The following TNR variants were observed in gnomAD, a reference collection of about 807,000 sequenced individuals.
The protein encoded by TNR is tenascin-R.
A neutral mutation model predicts 150.4 loss-of-function variants in TNR; 45 were observed. That is an observed-to-expected ratio of 0.30 (90% CI 0.24 to 0.38). TNR has a LOEUF of 0.38. Among genes scored for constraint, TNR ranks in the 10% least tolerant of loss-of-function variants. The probability of loss-of-function intolerance (pLI) is 1.00; values close to 1 mark genes in which losing one functional copy is unlikely to be tolerated. For synonymous variants in TNR, 687 were observed against 678.4 expected (o/e 1.01, Z -0.20); for missense variants, 1,544 against 1,759.1 (o/e 0.88, Z 2.19).
intron 1 of TNR, among the ~76,000 whole-genome samples, chr1:175,741,098 G>C (rs1667914134): frequency 1.3e-5 from 2 of 152,228 alleles, no homozygotes; most frequent in Admixed American, 1.3e-4. Context: ...CTTCACCAGA[G>C]AGAGGCCATT....
At position 175,362,393 on chromosome 1, in the gene TNR, T is replaced by C. The variant is rs151183885; in HGVS notation, c.2854+270A>G. Among the ~76,000 whole-genome samples the C allele has an allele frequency of 2.6e-5, 4 of 152,350 alleles. No individual in the cohort carries two copies. The East Asian group carries it at 5.8e-4, about 22-fold the overall frequency. On this transcript the variant is annotated intron_variant, in intron 14 of 22. Transcript: ENST00000367674. The stretch of plus-strand genomic sequence containing the variant: ...TCTGTTTTAGAATTCACTTCCATTA[T>C]ATGTCTGAAAGGGCACTGTTTATGT...
intron 1 of TNR, among the ~76,000 whole-genome samples, chr1:175,688,021 G>T (rs1666253812): frequency 6.6e-6 from 1 of 152,144 alleles, no homozygotes; most frequent in Non-Finnish European, 1.5e-5. Flanking sequence ...AAATTAGATG[G>T]GTCAGAGCGC....
intron 2 of TNR, among the ~76,000 whole-genome samples, chr1:175,439,782 C>G (rs1557935391): frequency 6.6e-6 from 1 of 152,222 alleles, no homozygotes; most frequent in Non-Finnish European, 1.5e-5. Flanking sequence ...AAGTGCTCAT[C>G]ATCACTGGCC....
chr1:175,549,298 A>G (rs1275068602), intron 1 of TNR, among the ~76,000 whole-genome samples: 1 of 152,240 alleles, frequency 6.6e-6, no homozygotes, highest in Non-Finnish European at 1.5e-5. Context: ...GTTTGTTGTA[A>G]TGTCTCAAAC....
intron 1 of TNR, among the ~76,000 whole-genome samples, chr1:175,678,382 G>A (rs17312063): frequency 0.055 from 8,411 of 152,266 alleles, 316 homozygotes; most frequent in East Asian, 0.12. Context: ...CCTGGCATCT[G>A]TATTTTTTTA....
intron 2 of TNR, among the ~76,000 whole-genome samples, chr1:175,483,988 C>G (rs1385138780): frequency 6.6e-6 from 1 of 152,220 alleles, no homozygotes; most frequent in African/African-American, 2.4e-5. Flanking sequence ...GGCCAGTTCA[C>G]TTGTCCATAT....
intron 14 of TNR, among the ~76,000 whole-genome samples, chr1:175,362,182 C>A (rs1383268809): frequency 2.6e-5 from 4 of 152,122 alleles, no homozygotes; most frequent in African/African-American, 7.2e-5. Context: ...GAGTTATGGC[C>A]ACTTTGGTGC....
At chr1:175,697,768 C>T (rs576653780) in intron 1 of TNR, among the ~76,000 whole-genome samples, 1 of 152,342 alleles carries the variant, frequency 6.6e-6, no homozygotes, top group South Asian at 2.1e-4. Context: ...GATTCAAGCC[C>T]AGCCAACCCT....
intron 1 of TNR, among the ~76,000 whole-genome samples, chr1:175,666,452 C>A (rs1355200639): frequency 6.6e-6 from 1 of 152,218 alleles, no homozygotes; most frequent in Non-Finnish European, 1.5e-5. Context: ...GGGAGGCTGT[C>A]AGCCACATGG....
chr1:175,526,704 A>T (rs968260234), intron 2 of TNR, among the ~76,000 whole-genome samples: 6 of 152,362 alleles, frequency 3.9e-5, no homozygotes, highest in Non-Finnish European at 2.9e-5. Flanking sequence ...CTTCAAATGC[A>T]TGGGAAATGA....
rs534218846 is a variant in TNR, at chr1:175,589,973, G to A, written c.-164-61604C>T. ...TAACAAATCTGCACGTTTTGCACAT[G>A]TATCCCAGAACCTAAAGTATAATAA... is the stretch of plus-strand genomic sequence containing the variant. On this transcript the variant is annotated intron_variant, in intron 1 of 22. Transcript: ENST00000367674. 1.2e-4 allele frequency among the ~76,000 whole-genome samples: 19 copies of A among 152,228 alleles called. No homozygotes were observed. The South Asian group carries it at 3.5e-3, about 28-fold the overall frequency.
chr1:175,586,088 C>T (rs550363943), intron 1 of TNR, among the ~76,000 whole-genome samples: 4 of 152,154 alleles, frequency 2.6e-5, no homozygotes, highest in South Asian at 2.1e-4. Context: ...GAGATGAGTA[C>T]GGGACTGGAA....
At chr1:175,391,169 T>C in intron 7 of TNR, 119 bp downstream of exon 7, 1 of 1,308,028 alleles carries the variant, frequency 7.6e-7, no homozygotes, top group South Asian at 1.5e-5. Flanking sequence ...ACCAGAATTG[T>C]CCCAGCTCTA....
intron 1 of TNR, among the ~76,000 whole-genome samples, chr1:175,654,492 G>T (rs1201750504): frequency 6.6e-6 from 1 of 152,106 alleles, no homozygotes; most frequent in African/African-American, 2.4e-5. Flanking sequence ...ACTTGGTGGG[G>T]ATCACATTTT....
intron 1 of TNR, among the ~76,000 whole-genome samples, chr1:175,624,697 C>T (rs12038409): frequency 0.5 from 75,474 of 151,848 alleles, 20,629 homozygotes; most frequent in African/African-American, 0.75. Context: ...TAATTTCTGT[C>T]GTTTTAAGCT....
intron 1 of TNR, among the ~76,000 whole-genome samples, chr1:175,700,370 A>G (rs1666655063): frequency 6.6e-6 from 1 of 152,206 alleles, no homozygotes; most frequent in South Asian, 2.1e-4. Context: ...ACACTATTGT[A>G]GCTACGGGAC....
rs759166975 is a variant in TNR at position 175,403,312 on chromosome 1, C to T, written c.804G>A (p.Gly268=). ...GEDCRELRCP[G]DCSGKGRCAN... is the part of the protein sequence containing the mutation. ...CACATCTCCCCTTCCCCGAACAGTC[C>T]CCAGGGCACCTCAGTTCCCTGCAGT... The change falls in exon 4 of 23, where the codon GGG becomes GGA. Residue 268 remains glycine (G), a synonymous_variant. Coordinates refer to ENST00000367674, the MANE Select transcript of TNR (RefSeq NM_003285.3). The T allele has an allele frequency of 2.5e-5, 41 of 1,614,076 alleles. 1 individual carries two copies. The highest frequency in any genetic ancestry group is 4.4e-5 in the South Asian group (4 of 91,086).
intron 9 of TNR, among the ~76,000 whole-genome samples, chr1:175,374,480 A>T (rs1435737216): frequency 6.6e-6 from 1 of 152,036 alleles, no homozygotes; most frequent in Non-Finnish European, 1.5e-5. Flanking sequence ...GTATGTGTGT[A>T]TGTGCATGTG....
rs1039202397 is a variant in TNR at position 175,743,327 on chromosome 1, C to T, written c.-266G>A. ...AGCTGATGCGCTCACCTAGAGAGCCCTCCTCTTTCCCTTCTCTTCCCTTCC... is the reference window on the plus strand; with the variant it reads ...AGCTGATGCGCTCACCTAGAGAGCCTTCCTCTTTCCCTTCTCTTCCCTTCC... On this transcript the variant is annotated 5_prime_UTR_variant, in exon 1 of 23. Coordinates refer to ENST00000367674, the MANE Select transcript of TNR (RefSeq NM_003285.3). The T allele has an allele frequency of 6.6e-6, 1 of 152,036 alleles. No individual in the cohort carries two copies. Among genetic ancestry groups the T allele is most frequent in the African/African-American group, 2.4e-5 (1 of 41,404 alleles). 9.4% of individuals were successfully genotyped at this position (152,036 alleles called of 1,614,324 possible).
Sources: allele counts gnomAD v4.1 joint callset (sites outside exome capture counted in the v4.1 genomes callset), GRCh38; gene constraint gnomAD v4.1.1; transcripts MANE v1.5; gene names NCBI Gene and HGNC (gene_info 2026-07-23, HGNC 2026-07-21).